Variants in TMPRSS11F observed in about 807,000 individuals in gnomAD.
The protein encoded by TMPRSS11F is transmembrane serine protease 11F.
A neutral mutation model predicts 60.2 loss-of-function variants in TMPRSS11F; 47 were observed. The ratio of observed to expected loss-of-function variants is 0.78; its 90% CI spans 0.62 to 1.00. The LOEUF (loss-of-function observed/expected upper bound fraction) is 1.00, where lower values mean the gene tolerates loss of function less well. Ranked by LOEUF, TMPRSS11F falls within the 50% of genes least tolerant of loss-of-function variation. The probability of loss-of-function intolerance (pLI) is 0.00; values close to 1 mark genes in which losing one functional copy is unlikely to be tolerated. For missense variants in TMPRSS11F, 519 were observed against 522.9 expected (o/e 0.99, Z 0.07); for synonymous variants, 166 against 167.3 (o/e 0.99, Z 0.06).
chr4:68,090,327 C>T (rs1365490212), intron 3 of TMPRSS11F, among the ~76,000 whole-genome samples, 196 bp downstream of exon 3: 2 of 152,044 alleles, frequency 1.3e-5, no homozygotes, highest in Non-Finnish European at 2.9e-5. Context: ...CTACTATATA[C>T]ATTTGATGGT....
At chr4:68,091,747 ATCTCTCTCTCTCTCTC>A (rs372346277) in intron 2 of TMPRSS11F, among the ~76,000 whole-genome samples, 1 of 71,590 alleles carries the variant, frequency 1.4e-5, no homozygotes, top group African/African-American at 4.2e-5. Flanking sequence ...TTAATCTCTA[ATCTCTCTCTCTCTCTC>A]TCTCTCTCTC....
chr4:68,064,975 T>G, intron 7 of TMPRSS11F, 31 bp from the exon 8 acceptor site: 1 of 1,584,020 alleles, frequency 6.3e-7, no homozygotes, highest in Non-Finnish European at 8.6e-7. Context: ...ATACTTGTGA[T>G]GCTTGACTTA....
rs556748020 is a variant in TMPRSS11F at position 68,057,376 on chromosome 4, A to G, written c.1158+1950T>C. Among the ~76,000 whole-genome samples the G allele has an allele frequency of 2.6e-5, 4 of 152,120 alleles. No individual in the cohort carries two copies. The South Asian group carries it at 6.2e-4, about 24-fold the overall frequency. On this transcript the variant is annotated intron_variant, in intron 9 of 9. Coordinates refer to ENST00000356291, the MANE Select transcript of TMPRSS11F (RefSeq NM_207407.2). ...GAAACTCAAAATGGATTAAAAACCT[A>G]AACTTAAGACTTGAAACTATAAACT...
intron 2 of TMPRSS11F, among the ~76,000 whole-genome samples, chr4:68,098,286 T>C (rs1418959229): frequency 6.6e-6 from 1 of 151,916 alleles, no homozygotes; most frequent in Non-Finnish European, 1.5e-5. Flanking sequence ...GCCTGGGTGA[T>C]AACTCAAGAA....
chr4:68,106,006 T>A (rs1312331131), intron 1 of TMPRSS11F, among the ~76,000 whole-genome samples: 3 of 152,198 alleles, frequency 2.0e-5, no homozygotes, highest in Non-Finnish European at 4.4e-5. Flanking sequence ...GGATTATGCT[T>A]TATCCATTAA....
intron 8 of TMPRSS11F, chr4:68,063,147 A>G (rs767591963): frequency 1.6e-6 from 1 of 611,854 alleles, no homozygotes; most frequent in Admixed American, 1.9e-5. Flanking sequence ...GAGAAAAAGA[A>G]GCAGCATCAG....
chr4:68,055,352 G>A (rs569009096), intron 9 of TMPRSS11F, among the ~76,000 whole-genome samples: 24 of 152,242 alleles, frequency 1.6e-4, no homozygotes, highest in African/African-American at 5.5e-4. Context: ...CATGAGAGGA[G>A]CATAAGAGTA....
intron 1 of TMPRSS11F, among the ~76,000 whole-genome samples, chr4:68,115,128 T>A (rs1227331435): frequency 1.3e-5 from 2 of 151,026 alleles, no homozygotes; most frequent in Non-Finnish European, 2.9e-5. Flanking sequence ...TGCGGGCAGA[T>A]CATGAGGTCA....
chr4:68,070,131 G>T, intron 5 of TMPRSS11F, 124 bp from the exon 6 acceptor site: 1 of 688,620 alleles, frequency 1.5e-6, no homozygotes, highest in Non-Finnish European at 2.3e-6. Flanking sequence ...AAGAGAATAT[G>T]AGATTTTTCA....
Position 68,068,683 on chromosome 4 carries a change from G to A in TMPRSS11F, c.690C>T (p.Gly230=). 1 of 1,614,170 alleles carries A rather than the reference G, an allele frequency of 6.2e-7. No homozygotes were observed. Among genetic ancestry groups the A allele is most frequent in the South Asian group, 1.1e-5 (1 of 91,088 alleles). The part of the protein sequence containing the change: ...WQASLQLIGS[G]HQCGASLISN... The stretch of plus-strand genomic sequence containing the variant: ...TGATGAGGCTGGCTCCACACTGATG[G>A]CCTGACCCTATGAGCTGGAGGCTGG... The change falls in exon 7 of 10, where the codon GGC becomes GGT. Residue 230 remains glycine, a synonymous_variant. Coordinates refer to ENST00000356291, the MANE Select transcript of TMPRSS11F (RefSeq NM_207407.2).
At chr4:68,061,128 C>T (rs1723164870) in intron 8 of TMPRSS11F, among the ~76,000 whole-genome samples, 1 of 151,998 alleles carries the variant, frequency 6.6e-6, no homozygotes, top group Non-Finnish European at 1.5e-5. Context: ...AAGAAAACAG[C>T]TTATAATATT....
At chr4:68,110,564 A>G (rs1724392088) in intron 1 of TMPRSS11F, among the ~76,000 whole-genome samples, 1 of 152,180 alleles carries the variant, frequency 6.6e-6, no homozygotes, top group Non-Finnish European at 1.5e-5. Context: ...TTTAAGTTCC[A>G]ACTCTGACAT....
At chr4:68,088,181 T>C (rs1005116720) in intron 3 of TMPRSS11F, among the ~76,000 whole-genome samples, 8 of 151,076 alleles carry the variant, frequency 5.3e-5, no homozygotes, top group Non-Finnish European at 8.8e-5. Context: ...AGGCACAAAA[T>C]AAAAGGATGG....
intron 1 of TMPRSS11F, among the ~76,000 whole-genome samples, chr4:68,125,284 G>C (rs1724694827): frequency 6.6e-6 from 1 of 151,708 alleles, no homozygotes; most frequent in South Asian, 2.1e-4. Context: ...TATATAAATT[G>C]TTGAATTCTT....
At chr4:68,113,795 T>G (rs1442563848) in intron 1 of TMPRSS11F, among the ~76,000 whole-genome samples, 1 of 152,146 alleles carries the variant, frequency 6.6e-6, no homozygotes, top group Admixed American at 6.5e-5. Context: ...AGTTGACATT[T>G]ATAGAACACT....
At chr4:68,089,278 AG>A in intron 3 of TMPRSS11F, among the ~76,000 whole-genome samples, 1 of 152,264 alleles carries the variant, frequency 6.6e-6, no homozygotes. Context: ...TTCTTAGTAA[AG>A]GTACTTGAGG....
In TMPRSS11F at chr4:68,059,401, C is replaced by A. The variant is rs1157413221; in HGVS notation, c.1083G>T (p.Lys361Asn). 2.5e-6 allele frequency: 4 copies of A among 1,613,864 alleles called. No individual in the cohort carries two copies. ...GAGTTATCAGGCCATCATACACATC[C>A]TTTCTGTTACACACATCAGTGCTTA... ...ETISTDVCNR[K>N]DVYDGLITPG... Residue 361 changes from lysine to asparagine, a missense_variant, in exon 9 of 10, where the codon AAG (lysine) becomes AAT (asparagine). By Grantham distance (94) the Lys-to-Asn change is moderately conservative (BLOSUM62 0). Transcript: ENST00000356291.
At chr4:68,061,559 T>C (rs553930868) in intron 8 of TMPRSS11F, among the ~76,000 whole-genome samples, 34 of 152,362 alleles carry the variant, frequency 2.2e-4, no homozygotes, top group African/African-American at 7.7e-4. Context: ...GGATGCTACC[T>C]GCTTTAGGCA....
At chr4:68,086,186 CA>C (rs1723807149) in intron 3 of TMPRSS11F, among the ~76,000 whole-genome samples, 1 of 152,090 alleles carries the variant, frequency 6.6e-6, no homozygotes, top group South Asian at 2.1e-4. Context: ...TCTCATACCA[CA>C]GTGCAATAAC....
Sources: allele counts gnomAD v4.1 joint callset (sites outside exome capture counted in the v4.1 genomes callset), GRCh38; gene constraint gnomAD v4.1.1; transcripts MANE v1.5; gene names NCBI Gene and HGNC (gene_info 2026-07-23, HGNC 2026-07-21).